ESYT2: variants seen among roughly 807,000 people sequenced by gnomAD.
The protein encoded by ESYT2 is extended synaptotagmin 2.
A neutral mutation model predicts 107.2 loss-of-function variants in ESYT2; 54 were observed. That is an observed-to-expected ratio of 0.50 (90% CI 0.40 to 0.63). The LOEUF (loss-of-function observed/expected upper bound fraction) is 0.63. Ranked by LOEUF, ESYT2 falls within the 30% of genes least tolerant of loss-of-function variation. ESYT2 has a pLI of 0.00. For missense variants in ESYT2, 1,020 were observed against 1,094.5 expected, an observed-to-expected ratio of 0.93 and a Z score of 0.96; for synonymous variants, 491 against 434.1, an observed-to-expected ratio of 1.13 and a Z score of -1.63.
At chr7:158,754,368 G>A (rs1256552253) in intron 13 of ESYT2, among the ~76,000 whole-genome samples, 6 of 151,714 alleles carry the variant, frequency 4.0e-5, no homozygotes, top group Middle Eastern at 3.4e-3. Flanking sequence ...CACCACACCC[G>A]GCTAATTTTT....
At chr7:158,821,795 G>A (rs540378232) in intron 1 of ESYT2, among the ~76,000 whole-genome samples, 1 of 152,292 alleles carries the variant, frequency 6.6e-6, no homozygotes, top group Admixed American at 6.5e-5. Context: ...AGATGAGACG[G>A]CCCAGAAATC....
At chr7:158,804,227 C>T (rs1212030812) in intron 1 of ESYT2, among the ~76,000 whole-genome samples, 1 of 53,210 alleles carries the variant, frequency 1.9e-5, no homozygotes, top group Non-Finnish European at 3.4e-5. Flanking sequence ...AAACCCAAAC[C>T]GCCGAGAAGG....
At chr7:158,757,347 G>C (rs903102365) in intron 13 of ESYT2, among the ~76,000 whole-genome samples, 4 of 152,234 alleles carry the variant, frequency 2.6e-5, no homozygotes, top group African/African-American at 7.2e-5. Flanking sequence ...GTGCTCTATA[G>C]ACTGAGGCGG....
chr7:158,826,701 G>A (rs913418751), intron 1 of ESYT2, among the ~76,000 whole-genome samples: 8 of 149,928 alleles, frequency 5.3e-5, no homozygotes, highest in Non-Finnish European at 3.0e-5. Flanking sequence ...TGCGCCTGTA[G>A]TCCCAGCTAT....
intron 1 of ESYT2, among the ~76,000 whole-genome samples, chr7:158,826,746 G>A (rs1398125744): frequency 6.3e-5 from 9 of 142,302 alleles, no homozygotes; most frequent in Non-Finnish European, 1.2e-4. Flanking sequence ...GCTTGAACCC[G>A]GGAGGCGGAG....
intron 6 of ESYT2, among the ~76,000 whole-genome samples, chr7:158,777,856 A>G (rs1838624122): frequency 6.6e-6 from 1 of 152,214 alleles, no homozygotes; most frequent in African/African-American, 2.4e-5. Context: ...CACAGATAAT[A>G]ATGAAAAAGT....
intron 6 of ESYT2, among the ~76,000 whole-genome samples, chr7:158,781,493 G>A (rs1838806686): frequency 6.6e-6 from 1 of 150,452 alleles, no homozygotes; most frequent in South Asian, 2.1e-4. Context: ...TGAAACAAGT[G>A]AACGAGTGAA....
intron 1 of ESYT2, among the ~76,000 whole-genome samples, chr7:158,803,585 A>G (rs1254702000): frequency 6.6e-6 from 1 of 152,238 alleles, no homozygotes; most frequent in East Asian, 1.9e-4. Context: ...GTTCTCTCTG[A>G]ATATGAATTA....
At chr7:158,827,872 T>C (rs1840501952) in intron 1 of ESYT2, among the ~76,000 whole-genome samples, 1 of 152,132 alleles carries the variant, frequency 6.6e-6, no homozygotes, top group Admixed American at 6.5e-5. Context: ...TCTTGCAGTG[T>C]GAAACTGTGA....
chr7:158,802,082 T>C (rs758385289), intron 1 of ESYT2, among the ~76,000 whole-genome samples: 2 of 152,160 alleles, frequency 1.3e-5, no homozygotes, highest in Non-Finnish European at 2.9e-5. Flanking sequence ...AGGATGGAAT[T>C]GACATAACTG....
chr7:158,782,768 A>G (rs1253457243), intron 6 of ESYT2, among the ~76,000 whole-genome samples: 1 of 152,098 alleles, frequency 6.6e-6, no homozygotes, highest in Non-Finnish European at 1.5e-5. Flanking sequence ...AAGTGTGAAA[A>G]TGTGTGTCCA....
chr7:158,813,002 G>A (rs187475151), intron 1 of ESYT2, among the ~76,000 whole-genome samples: 1 of 152,316 alleles, frequency 6.6e-6, no homozygotes, highest in Non-Finnish European at 1.5e-5. Context: ...TGGAACCAGA[G>A]AGAGGTGATG....
rs1338316388 is a variant in ESYT2, at chr7:158,799,027, T to G, written c.372+4A>C. The G allele has an allele frequency of 6.2e-7, 1 of 1,613,028 alleles. No individual in the cohort carries two copies. Among genetic ancestry groups the G allele is most frequent in the East Asian group, 2.2e-5 (1 of 44,864 alleles). On this transcript the variant is annotated splice_donor_region_variant and intron_variant, in intron 2 of 22. Coordinates refer to ENST00000275418, the MANE Select transcript of ESYT2 (RefSeq NM_001367773.1). Reference sequence around the variant, plus strand: ...GGATGGTAGTTGGTATACTCTAATCTTACCTTATTTAGCCATTCTGCTCTT... The same window carrying G: ...GGATGGTAGTTGGTATACTCTAATCGTACCTTATTTAGCCATTCTGCTCTT...
chr7:158,738,772 C>T (rs1837078395), intron 19 of ESYT2, among the ~76,000 whole-genome samples: 2 of 152,182 alleles, frequency 1.3e-5, no homozygotes, highest in Non-Finnish European at 2.9e-5. Context: ...TATTTAAACA[C>T]ATAAAAGGTA....
At chr7:158,771,133 G>A (rs1174493843) in intron 7 of ESYT2, among the ~76,000 whole-genome samples, 1 of 152,204 alleles carries the variant, frequency 6.6e-6, no homozygotes, top group Admixed American at 6.5e-5. Flanking sequence ...TAAATAAAAT[G>A]AATCAGGGGA....
chr7:158,804,594 T>C lies in ESYT2; in HGVS notation c.331-5522A>G, dbSNP rs192340981. ...ACCCAAACTGCCGAGAAAGGTGAGG[T>C]GTGTGACAAACCCAAAGTGCTGAGA... On this transcript the variant is annotated intron_variant, in intron 1 of 22. Coordinates refer to ENST00000275418, the MANE Select transcript of ESYT2 (RefSeq NM_001367773.1). Among the ~76,000 whole-genome samples the C allele has an allele frequency of 1.3e-3, 132 of 105,390 alleles. No homozygotes were observed. In the East Asian group the frequency reaches 0.026, roughly 21 times the overall value. The allele number at this position is 105,390 out of a possible 152,430, so 69.1% of individuals were successfully genotyped here. A position where few individuals can be genotyped will look rare whatever the true frequency, so the allele number is the denominator to read the frequency against.
intron 4 of ESYT2, 29 bp downstream of exon 4, chr7:158,793,621 T>C: frequency 6.5e-7 from 1 of 1,529,590 alleles, no homozygotes; most frequent in South Asian, 1.1e-5. Flanking sequence ...CCATTAACCA[T>C]AACACAAATA....
Position 158,743,561 on chromosome 7 carries a change from T to A in ESYT2, c.1762A>T (p.Asn588Tyr). Residue 588 changes from asparagine to tyrosine, a missense_variant, in exon 17 of 23, where the codon AAC becomes TAC. By Grantham distance (143) the Asn-to-Tyr change is moderately radical. Transcript: ENST00000275418. The stretch of plus-strand genomic sequence containing the variant: ...GCAATCTTCATCTTGATGGTGCTGT[T>A]TGGACCCGAGTTACTGAGCTGGAAG... The part of the protein sequence containing the change: ...QRFQLSNSGP[N>Y]STIKMKIALR... 6.2e-7 allele frequency: 1 copy of A among 1,612,956 alleles called. No homozygotes were observed. Among genetic ancestry groups the A allele is most frequent in the South Asian group, 1.1e-5 (1 of 90,918 alleles).
chr7:158,752,915 G>C, intron 13 of ESYT2, 72 bp from the exon 14 acceptor site: 2 of 1,038,466 alleles, frequency 1.9e-6, no homozygotes, highest in Non-Finnish European at 2.6e-6. Flanking sequence ...TAAGGTTAAA[G>C]ACATGAAAAT....
Sources: allele counts gnomAD v4.1 joint callset (sites outside exome capture counted in the v4.1 genomes callset), GRCh38; gene constraint gnomAD v4.1.1; transcripts MANE v1.5; gene names NCBI Gene and HGNC (gene_info 2026-07-23, HGNC 2026-07-21).